MYO15A: variants seen among roughly 807,000 people sequenced by gnomAD.
MYO15A encodes myosin XVA.
In MYO15A, 308 loss-of-function variants were observed where a neutral mutation model predicts 394.6. The observed-to-expected ratio is 0.78, with a 90% confidence interval of 0.71 to 0.86. The LOEUF (loss-of-function observed/expected upper bound fraction) is 0.86. Among genes scored for constraint, MYO15A ranks in the 40% least tolerant of loss-of-function variants. MYO15A has a pLI of 0.00. For synonymous variants in MYO15A, 1,957 were observed against 2,003.8 expected, an observed-to-expected ratio of 0.98 and a Z score of 0.62; for missense variants, 4,606 against 4,799.1, an observed-to-expected ratio of 0.96 and a Z score of 1.19.
At position 18,157,726 on chromosome 17, in the gene MYO15A, G is replaced by C. The variant is rs750510943; in HGVS notation, c.8793G>C (p.Trp2931Cys). ...ELRRRGPDFGWRFGTIHGRVG... is the reference protein window; with the variant it reads ...ELRRRGPDFGCRFGTIHGRVG... ...AGACCTTTTACCCACCCCTAGGCTG[G>C]AGGTTCGGGACCATCCACGGGCGCG... Residue 2931 changes from tryptophan to cysteine, a missense_variant, in exon 51 of 66, where the codon TGG becomes TGC. Physicochemically the swap from Trp to Cys is radical, Grantham distance 215 (BLOSUM62 -2). Coordinates refer to ENST00000647165, the MANE Select transcript of MYO15A (RefSeq NM_016239.4). 5.6e-6 allele frequency: 9 copies of C among 1,605,952 alleles called. No homozygotes were observed. Among genetic ancestry groups the C allele is most frequent in the Non-Finnish European group, 8.5e-7 (1 of 1,179,890 alleles).
rs1164764481 is a variant in MYO15A, at chr17:18,179,138, A to G, written c.*268A>G. 3.6e-6 allele frequency: 2 copies of G among 554,632 alleles called. No homozygotes were observed. Among genetic ancestry groups the G allele is most frequent in the African/African-American group, 3.8e-5 (2 of 52,918 alleles). 34.4% of individuals were successfully genotyped at this position (554,632 alleles called of 1,614,324 possible). On this transcript the variant is annotated 3_prime_UTR_variant, in exon 66 of 66. Transcript: ENST00000647165. ...ACTGTGCAGTGGAGCAGAAGGCAGGACCATGAGGCCTCCTGCCATGTACCC... is the reference window on the plus strand; with the variant it reads ...ACTGTGCAGTGGAGCAGAAGGCAGGGCCATGAGGCCTCCTGCCATGTACCC...
intron 60 of MYO15A, among the ~76,000 whole-genome samples, 190 bp from the exon 61 acceptor site, chr17:18,166,171 A>G (rs1435608344): frequency 2.0e-5 from 3 of 152,248 alleles, no homozygotes; most frequent in African/African-American, 7.2e-5. Flanking sequence ...TCAGTAAAAC[A>G]TAGGACACCC....
chr17:18,126,805 T>C lies in MYO15A; in HGVS notation c.3881T>C (p.Val1294Ala). The C allele has an allele frequency of 6.2e-7, 1 of 1,613,704 alleles. No homozygotes were observed. The change falls in exon 6 of 66, where the codon GTT becomes GCT. Residue 1294 changes from valine (V) to alanine (A), a missense_variant. Physicochemically the swap from Val to Ala is moderately conservative, Grantham distance 64. Around this residue, in one of 2 missense-constraint regions of MYO15A, gnomAD observed 2,776 missense variants for 3,109.3 expected, o/e 0.89. Coordinates refer to ENST00000647165, the MANE Select transcript of MYO15A (RefSeq NM_016239.4). ...TGTCTCCCCAGGCACCTCTTTGCTG[T>C]TGCAAATCTCGCCTTCGCCAAAATG... ...LGENPPHLFA[V>A]ANLAFAKMLD...
intron 10 of MYO15A, 135 bp downstream of exon 10, chr17:18,131,666 G>T: frequency 8.8e-7 from 1 of 1,130,244 alleles, no homozygotes; most frequent in Non-Finnish European, 1.3e-6. Context: ...GTGTACATGT[G>T]AGCCCAGGAC....
chr17:18,131,118 T>C, intron 8 of MYO15A, 121 bp from the exon 9 acceptor site: 1 of 895,338 alleles, frequency 1.1e-6, no homozygotes, highest in Non-Finnish European at 1.8e-6. Context: ...CCTCTGGTCA[T>C]CTCTCATAAA....
intron 60 of MYO15A, chr17:18,164,136 T>C (rs963807383): frequency 8.8e-6 from 4 of 456,026 alleles, no homozygotes; most frequent in Non-Finnish European, 1.2e-5. Flanking sequence ...GGAGATTACA[T>C]CCTGGAAAGG....
In MYO15A at chr17:18,127,149, G is replaced by C. The variant is rs368407094; in HGVS notation, c.4016G>C (p.Arg1339Pro). The change falls in exon 7 of 66, where the codon CGG becomes CCG. Residue 1339 changes from arginine to proline, a missense_variant. Around this residue, in one of 2 missense-constraint regions of MYO15A, gnomAD observed 2,776 missense variants for 3,109.3 expected, o/e 0.89. Coordinates refer to ENST00000647165, the MANE Select transcript of MYO15A (RefSeq NM_016239.4). ...LRYLAAMNQKREVMQQIKILE... is the reference protein window; with the variant it reads ...LRYLAAMNQKPEVMQQIKILE... ...TACCTGGCCGCCATGAACCAGAAAC[G>C]GGAGGTCATGCAGCAGGTGAGTCTA... 6.2e-7 allele frequency: 1 copy of C among 1,613,786 alleles called. No homozygotes were observed. Among genetic ancestry groups the C allele is most frequent in the Non-Finnish European group, 8.5e-7 (1 of 1,179,966 alleles).
Position 18,132,466 on chromosome 17 carries a change from G to A in MYO15A, c.4220G>A (p.Arg1407Lys). The A allele has an allele frequency of 1.2e-6, 2 of 1,613,988 alleles. No homozygotes were observed. Among genetic ancestry groups the A allele is most frequent in the Non-Finnish European group, 1.7e-6 (2 of 1,180,030 alleles). ...CCCACTCTACAGGCCAAAAACGAGA[G>A]GAATTACCACATCTTCTACGAGTTG... Reference protein sequence around the residue: ...SRIVFQAKNERNYHIFYELLA... With the variant: ...SRIVFQAKNEKNYHIFYELLA... Residue 1407 changes from arginine (R) to lysine (K), a missense_variant, in exon 11 of 66, where the codon AGG becomes AAG. Coordinates refer to ENST00000647165, the MANE Select transcript of MYO15A (RefSeq NM_016239.4). This position sits in a 1 kb window ranked among gnomAD's most constrained non-coding sequence, Gnocchi z 4.6.
In MYO15A at chr17:18,149,499, T is replaced by C. The variant is rs1229599887; in HGVS notation, c.7131T>C (p.Leu2377=). The C allele has an allele frequency of 2.5e-6, 4 of 1,614,080 alleles. No individual in the cohort carries two copies. Residue 2377 remains leucine (L), a synonymous_variant, in exon 35 of 66, where the codon CTT becomes CTC. Coordinates refer to ENST00000647165, the MANE Select transcript of MYO15A (RefSeq NM_016239.4). ...CTTCCCCTCCAGAGTCAGACAGTCT[T>C]GGAGAGCCTGCTGTGCCCCACAAGG... ...GTATHQESDS[L]GEPAVPHKGL...
At chr17:18,167,874 G>A in intron 62 of MYO15A, 151 bp downstream of exon 62, 1 of 1,293,310 alleles carries the variant, frequency 7.7e-7, no homozygotes, top group Non-Finnish European at 1.1e-6. Flanking sequence ...GTCCTTGCCT[G>A]GGGGCTGAAG....
chr17:18,159,235 T>C (rs1277130024), intron 53 of MYO15A, 40 bp from the exon 54 acceptor site: 1 of 1,607,712 alleles, frequency 6.2e-7, no homozygotes, highest in Non-Finnish European at 8.5e-7. Flanking sequence ...TGTTCTGACG[T>C]GTCCCTCCTC....
chr17:18,159,492 C>T (rs2046742602), intron 54 of MYO15A, 114 bp from the exon 55 acceptor site: 1 of 1,480,510 alleles, frequency 6.8e-7, no homozygotes, highest in South Asian at 1.1e-5. Context: ...AGAATAGAAG[C>T]TCCCAGCTGC....
At chr17:18,109,323 G>A (rs541824217) in intron 1 of MYO15A, 2 of 153,846 alleles carry the variant, frequency 1.3e-5, no homozygotes, top group South Asian at 4.0e-4. Context: ...TCAGGTGAGA[G>A]GCTCCAGCCA....
chr17:18,142,091 G>T lies in MYO15A; in HGVS notation c.5662G>T (p.Glu1888Ter). 6.2e-7 allele frequency: 1 copy of T among 1,612,976 alleles called. No individual in the cohort carries two copies. ...RVGVSKLFLK[E>*]HLYQLLESMR... ...CTCCTGTCCTTAGCTGTTCCTTAAGGAACACCTATACCAGCTGCTGGAGAG... is the reference window on the plus strand; with the variant it reads ...CTCCTGTCCTTAGCTGTTCCTTAAGTAACACCTATACCAGCTGCTGGAGAG... The change falls in exon 24 of 66, where the codon GAA becomes TAA. Residue 1888 changes from glutamate (E) to a stop codon, truncating the protein, a stop_gained. Transcript: ENST00000647165. LOFTEE classifies it high-confidence loss of function.
In MYO15A at chr17:18,119,034, C is replaced by T. The variant is rs755902122; in HGVS notation, c.234C>T (p.Thr78=). 7.4e-6 allele frequency: 12 copies of T among 1,612,482 alleles called. No homozygotes were observed. The highest frequency in any genetic ancestry group is 1.6e-4 in the Middle Eastern group (1 of 6,082). ...QKTKRKRKAR[T]VLKSTSKLMT... is the part of the protein sequence containing the mutation. ...CCAAGCGCAAGAGGAAGGCCCGCAC[C>T]GTGCTCAAGTCCACGTCAAAGCTCA... is the stretch of plus-strand genomic sequence containing the variant. The change falls in exon 2 of 66, where the codon ACC becomes ACT. Residue 78 remains threonine, a synonymous_variant. Coordinates refer to ENST00000647165, the MANE Select transcript of MYO15A (RefSeq NM_016239.4).
In MYO15A at chr17:18,143,973, G is replaced by GCACT; in HGVS notation, c.6150_6151insCACT (p.Ala2051HisfsTer73). ...CCCTGGACATCAACAACTATCCTATGGCCAAGTTTGTCCAGTGCCACTTCA... is the reference window on the plus strand; with the variant it reads ...CCCTGGACATCAACAACTATCCTATGCACTGCCAAGTTTGTCCAGTGCCACTTCA... On this transcript the variant is annotated frameshift_variant, in exon 28 of 66. Transcript: ENST00000647165. LOFTEE classifies it high-confidence loss of function. The GCACT allele has an allele frequency of 6.2e-7, 1 of 1,613,470 alleles. No homozygotes were observed. The highest frequency in any genetic ancestry group is 8.5e-7 in the Non-Finnish European group (1 of 1,179,956).
chr17:18,140,768 C>A lies in MYO15A; in HGVS notation c.5361-19C>A. 6.2e-7 allele frequency: 1 copy of A among 1,614,220 alleles called. No individual in the cohort carries two copies. The highest frequency in any genetic ancestry group is 8.5e-7 in the Non-Finnish European group (1 of 1,180,050). On this transcript the variant is annotated intron_variant, in intron 20 of 65. Coordinates refer to ENST00000647165, the MANE Select transcript of MYO15A (RefSeq NM_016239.4). Reference sequence around the variant, plus strand: ...TCTTTTTCTGAGGCCTCATGCTGTCCTCTTCCTGCCACTGCCAGGTGCAAC... The same window carrying A: ...TCTTTTTCTGAGGCCTCATGCTGTCATCTTCCTGCCACTGCCAGGTGCAAC...
In MYO15A at chr17:18,138,795, C is replaced by G. The variant is rs201902358; in HGVS notation, c.5008-16C>G. On this transcript the variant is annotated splice_polypyrimidine_tract_variant and intron_variant, in intron 17 of 65. Coordinates refer to ENST00000647165, the MANE Select transcript of MYO15A (RefSeq NM_016239.4). ...CAGGCCTCCTGCCCACCCACTGATC[C>G]CTAAATTGCCCCCAGGCTACAGACC... 1.9e-3 allele frequency: 3,006 copies of G among 1,613,398 alleles called. 4 individuals are homozygous for G. Among genetic ancestry groups the G allele is most frequent in the Non-Finnish European group, 2.5e-3 (2,902 of 1,179,806 alleles).
intron 7 of MYO15A, among the ~76,000 whole-genome samples, chr17:18,129,777 T>C (rs1283959428): frequency 3.3e-5 from 5 of 152,228 alleles, no homozygotes; most frequent in Non-Finnish European, 2.9e-5. Flanking sequence ...ATCAGGGCAA[T>C]GTGTCTGGCA....
Sources: gnomAD v4.1 joint callset for allele counts (sites outside exome capture counted in the v4.1 genomes callset) on GRCh38, gnomAD v4.1.1 for gene constraint, gnomAD v4.1.1 regional missense constraint, Gnocchi (gnomAD v3.1) non-coding constraint, MANE v1.5 for transcripts, NCBI Gene and HGNC (gene_info 2026-07-23, HGNC 2026-07-21) for gene names.